Variants in SLC8A1 observed in about 807,000 individuals in gnomAD.
SLC8A1 encodes sodium/calcium exchanger 1.
SLC8A1 carries 18 observed loss-of-function variants against 68.3 expected under a neutral mutation model. The observed-to-expected ratio is 0.26, with a 90% CI of 0.18 to 0.39. The LOEUF is 0.39. Among genes scored for constraint, SLC8A1 ranks in the 10% least tolerant of loss-of-function variants. The pLI, the probability that SLC8A1 is intolerant of heterozygous loss-of-function variation, is 1.00. For synonymous variants in SLC8A1, 475 were observed against 415.5 expected (o/e 1.14, Z -1.74); for missense variants, 985 against 1,156.7 (o/e 0.85, Z 2.15).
intron 1 of SLC8A1, among the ~76,000 whole-genome samples, chr2:40,495,448 T>C (rs928500103): frequency 1.3e-5 from 2 of 152,048 alleles, no homozygotes; most frequent in Admixed American, 6.6e-5. Context: ...TTTCTTCTTC[T>C]TCAATTATGC....
At chr2:40,429,405 G>A (rs201010344) in exon 2 of SLC8A1, 47 of 1,613,610 alleles carry the variant, frequency 2.9e-5, no homozygotes, top group African/African-American at 5.3e-5. Context: ...CCACTTTCCC[G>A]TCCATTTCAA....
At chr2:40,444,673 C>A (rs967208662) in intron 1 of SLC8A1, among the ~76,000 whole-genome samples, 2 of 152,062 alleles carry the variant, frequency 1.3e-5, no homozygotes, top group Non-Finnish European at 2.9e-5. Flanking sequence ...TGTTTCTTAC[C>A]TTTTAAAATT....
At position 40,357,414 on chromosome 2, in the gene SLC8A1, T is replaced by C. The variant is rs1188638550; in HGVS notation, c.1808+71059A>G. Among the ~76,000 whole-genome samples the C allele has an allele frequency of 2.0e-5, 3 of 149,960 alleles. No individual in the cohort carries two copies. In the Admixed American group the frequency reaches 2.0e-4, roughly 10 times the overall value. On this transcript the variant is annotated intron_variant, in intron 2 of 7. Coordinates refer to ENST00000406785, the Ensembl canonical transcript of SLC8A1. The stretch of plus-strand genomic sequence containing the variant: ...TAGGAGGCAGAGGTGGGAGGATTGC[T>C]TGAGCCCAGGAGGTCAAGGCTGCAG...
intron 2 of SLC8A1, among the ~76,000 whole-genome samples, chr2:40,363,233 T>C (rs1039522771): frequency 1.2e-4 from 19 of 152,284 alleles, no homozygotes; most frequent in South Asian, 2.1e-4. Context: ...TTTATTTTTT[T>C]AATTTAAAGT....
At chr2:40,276,581 T>C (rs2066725787) in intron 2 of SLC8A1, among the ~76,000 whole-genome samples, 1 of 152,162 alleles carries the variant, frequency 6.6e-6, no homozygotes, top group Admixed American at 6.5e-5. Flanking sequence ...AGCAACTGAG[T>C]GACTTCTACT....
At chr2:40,311,721 A>AG (rs2073715318) in intron 2 of SLC8A1, among the ~76,000 whole-genome samples, 2 of 150,692 alleles carry the variant, frequency 1.3e-5, no homozygotes, top group Admixed American at 1.3e-4. Flanking sequence ...TTTATCTTCT[A>AG]TTTTTTTTTC....
In SLC8A1 at chr2:40,145,719, C is replaced by G. The variant is rs902096832; in HGVS notation, c.2162-6043G>C. On this transcript the variant is annotated intron_variant, in intron 6 of 7. Transcript: ENST00000406785. ...GATTCAATTGATACATTTTTGTTCC[C>G]TAGTTTGCATCTGTATATATCTGTT... Among the ~76,000 whole-genome samples, 5 of 152,248 alleles carry G rather than the reference C, an allele frequency of 3.3e-5. No individual in the cohort carries two copies. The East Asian group carries it at 7.7e-4, about 23-fold the overall frequency.
At chr2:40,458,561 T>G (rs62149443) in intron 1 of SLC8A1, among the ~76,000 whole-genome samples, 58,455 of 151,844 alleles carry the variant, frequency 0.38, 11,503 homozygotes, top group Middle Eastern at 0.49. Context: ...TGGCTGCAGT[T>G]CAGGCTCTGG....
chr2:40,432,845 G>A (rs1698632891), intron 1 of SLC8A1, among the ~76,000 whole-genome samples: 1 of 152,036 alleles, frequency 6.6e-6, no homozygotes, highest in Admixed American at 6.6e-5. Flanking sequence ...TGGAAACAAG[G>A]AGACCAGATT....
chr2:40,373,488 G>T (rs1355565763), intron 2 of SLC8A1, among the ~76,000 whole-genome samples: 2 of 152,018 alleles, frequency 1.3e-5, no homozygotes, highest in Non-Finnish European at 2.9e-5. Context: ...ATGACCCCAA[G>T]ACTAATTTAC....
chr2:40,137,890 C>G (rs973855889), intron 7 of SLC8A1, among the ~76,000 whole-genome samples: 1 of 152,120 alleles, frequency 6.6e-6, no homozygotes, highest in Non-Finnish European at 1.5e-5. Context: ...AACCCCCAGG[C>G]AGGCAGTCAG....
At chr2:40,376,177 G>A (rs1325919921) in intron 2 of SLC8A1, among the ~76,000 whole-genome samples, 1 of 151,916 alleles carries the variant, frequency 6.6e-6, no homozygotes, top group African/African-American at 2.4e-5. Context: ...ATATAAGTTT[G>A]TGACTTAACT....
intron 7 of SLC8A1, among the ~76,000 whole-genome samples, chr2:40,118,722 A>C (rs2036114239): frequency 6.7e-6 from 1 of 150,096 alleles, no homozygotes; most frequent in Non-Finnish European, 1.5e-5. Context: ...CAGCTGAGAA[A>C]CACCTGAGAT....
At chr2:40,134,992 A>T (rs1383682418) in intron 7 of SLC8A1, among the ~76,000 whole-genome samples, 1 of 152,226 alleles carries the variant, frequency 6.6e-6, no homozygotes, top group Non-Finnish European at 1.5e-5. Flanking sequence ...TAAAGATATC[A>T]TTTAAGATGA....
rs1254947942 is a variant in SLC8A1 at position 40,241,893 on chromosome 2, C to T, written c.1809-64038G>A. Among the ~76,000 whole-genome samples, 12 of 151,708 alleles carry T rather than the reference C, an allele frequency of 7.9e-5. 1 individual carries two copies. Among genetic ancestry groups the T allele is most frequent in the Admixed American group, 5.2e-4 (8 of 15,250 alleles). ...AATAGATATCAGTTTTTTTCTTATT[C>T]TAAAAACAATATGTTTATGTTGTTG... On this transcript the variant is annotated intron_variant, in intron 2 of 7. Coordinates refer to ENST00000406785, the Ensembl canonical transcript of SLC8A1.
chr2:40,428,321 A>ACTGATAT, intron 2 of SLC8A1, 152 bp downstream of exon 2: 1 of 1,338,476 alleles, frequency 7.5e-7, no homozygotes. Context: ...CCAAGCAAAG[A>ACTGATAT]CTGATATCTT....
chr2:40,323,617 A>G (rs1031783230), intron 2 of SLC8A1, among the ~76,000 whole-genome samples: 1 of 152,174 alleles, frequency 6.6e-6, no homozygotes, highest in Non-Finnish European at 1.5e-5. Flanking sequence ...TTAACAGAGT[A>G]GCACTATAAA....
chr2:40,352,996 C>T (rs1671589491), intron 2 of SLC8A1, among the ~76,000 whole-genome samples: 1 of 152,108 alleles, frequency 6.6e-6, no homozygotes, highest in East Asian at 1.9e-4. Flanking sequence ...GTCCACACCC[C>T]AGCCTTATTT....
At chr2:40,209,212 A>G (rs990390675) in intron 2 of SLC8A1, 8 of 152,210 alleles carry the variant, frequency 5.3e-5, no homozygotes, top group African/African-American at 1.9e-4. Flanking sequence ...AAATAGGATC[A>G]TCAAGGTAGG....
Sources: gnomAD v4.1 joint callset for allele counts (sites outside exome capture counted in the v4.1 genomes callset) on GRCh38, gnomAD v4.1.1 for gene constraint, MANE v1.5 for transcripts, NCBI Gene and HGNC (gene_info 2026-07-23, HGNC 2026-07-21) for gene names.